Variants in TRPA1 observed in about 807,000 individuals in gnomAD.
TRPA1 encodes transient receptor potential cation channel subfamily A member 1.
Under a neutral mutation model 131.3 loss-of-function variants are expected in TRPA1, and 129 were observed. That is an observed-to-expected ratio of 0.98 (90% CI 0.85 to 1.14). The LOEUF is 1.14. Ranked by LOEUF, TRPA1 falls within the 50% of genes most tolerant of loss-of-function variation. The pLI, the probability that TRPA1 is intolerant of heterozygous loss-of-function variation, is 0.00. For synonymous variants in TRPA1, 441 were observed against 451.7 expected (o/e 0.98, Z 0.30); for missense variants, 1,304 against 1,354.2 (o/e 0.96, Z 0.58).
chr8:72,043,833 T>C (rs957204518), intron 17 of TRPA1, among the ~76,000 whole-genome samples: 1 of 151,986 alleles, frequency 6.6e-6, no homozygotes, highest in African/African-American at 2.4e-5. Context: ...TATTACATTT[T>C]TTCAATTTTA....
chr8:72,067,851 G>A lies in TRPA1; in HGVS notation c.444+1172C>T, dbSNP rs533738079. ...CACCCTGACCCATCTCATAGGTACT[G>A]AGACTTCAGCTCTCCCCTTCTCAGT... On this transcript the variant is annotated intron_variant, in intron 3 of 26. Coordinates refer to ENST00000262209, the MANE Select transcript of TRPA1 (RefSeq NM_007332.3). 6.6e-5 allele frequency among the ~76,000 whole-genome samples: 10 copies of A among 152,298 alleles called. No homozygotes were observed. In the South Asian group the frequency reaches 1.9e-3, roughly 28 times the overall value.
chr8:72,064,427 C>G (rs1157495889), intron 4 of TRPA1, among the ~76,000 whole-genome samples: 1 of 151,878 alleles, frequency 6.6e-6, no homozygotes, highest in African/African-American at 2.4e-5. Context: ...ATATTGTTTT[C>G]TGTAGTATTT....
At chr8:72,048,043 G>C (rs564202662) in intron 15 of TRPA1, among the ~76,000 whole-genome samples, 5 of 151,584 alleles carry the variant, frequency 3.3e-5, no homozygotes, top group East Asian at 3.9e-4. Context: ...GTGTTTAGAG[G>C]GGGGTGGACA....
chr8:72,070,970 G>T (rs1022338947), intron 2 of TRPA1, among the ~76,000 whole-genome samples: 3 of 152,108 alleles, frequency 2.0e-5, no homozygotes, highest in Non-Finnish European at 4.4e-5. Flanking sequence ...TAAATTATTA[G>T]CCTAATCTCC....
At chr8:72,038,476 T>A (rs1585851255) in intron 19 of TRPA1, among the ~76,000 whole-genome samples, 1 of 152,064 alleles carries the variant, frequency 6.6e-6, no homozygotes, top group African/African-American at 2.4e-5. Context: ...ATCACCGTTA[T>A]CTAGTTCCAT....
chr8:72,054,958 C>T, intron 12 of TRPA1: 1 of 152,552 alleles, frequency 6.6e-6, no homozygotes, highest in Admixed American at 6.5e-5. Flanking sequence ...AAATTTTTAC[C>T]ATCTCCTGTT....
In TRPA1 at chr8:72,050,762, G is replaced by C; in HGVS notation, c.1905+16C>G. ...CAAGCATAAACCCGGGAAGAATTTT[G>C]TTTTAGAGAATTTACCTTCATGCAT... is the stretch of plus-strand genomic sequence containing the variant. On this transcript the variant is annotated intron_variant, in intron 15 of 26. Coordinates refer to ENST00000262209, the MANE Select transcript of TRPA1 (RefSeq NM_007332.3). The C allele has an allele frequency of 6.5e-7, 1 of 1,550,022 alleles. No homozygotes were observed. Among genetic ancestry groups the C allele is most frequent in the Non-Finnish European group, 8.9e-7 (1 of 1,123,556 alleles).
At chr8:72,047,097 A>T in intron 16 of TRPA1, 51 bp downstream of exon 16, 1 of 1,352,298 alleles carries the variant, frequency 7.4e-7, no homozygotes, top group Non-Finnish European at 1.1e-6. Context: ...AATATTTTTC[A>T]AAGAATTATA....
intron 5 of TRPA1, 80 bp from the exon 6 acceptor site, chr8:72,063,024 A>C (rs1805845038): frequency 2.9e-6 from 4 of 1,358,178 alleles, no homozygotes; most frequent in Non-Finnish European, 4.1e-6. Context: ...AATATGAACA[A>C]AGGTAAAAAA....
rs955284255 is a variant in TRPA1, at chr8:72,022,761, T to C, written c.*145A>G. ...AATATGAATAGAGGATAAAAGATGG[T>C]TTACTTTTATACAGCATGCAGGAAC... On this transcript the variant is annotated 3_prime_UTR_variant, in exon 27 of 27. Transcript: ENST00000262209. 2.6e-6 allele frequency: 2 copies of C among 757,170 alleles called. No individual in the cohort carries two copies. The highest frequency in any genetic ancestry group is 2.7e-5 in the East Asian group (1 of 37,102). 46.9% of individuals were successfully genotyped at this position (757,170 alleles called of 1,614,324 possible). A position where few individuals can be genotyped will look rare whatever the true frequency, so the allele number is the denominator to read the frequency against.
At position 72,055,744 on chromosome 8, in the gene TRPA1, T is replaced by C. The variant is rs1340130216; in HGVS notation, c.1306A>G (p.Asn436Asp). 7 of 1,613,240 alleles carry C rather than the reference T, an allele frequency of 4.3e-6. No individual in the cohort carries two copies. Among genetic ancestry groups the C allele is most frequent in the Non-Finnish European group, 5.1e-6 (6 of 1,179,434 alleles). ...TTGCTTTTGGAATGAATGGACACAT[T>C]AAAGCCAAGTAGGTTATTTACAGAA... is the stretch of plus-strand genomic sequence containing the variant. ...PGSVNNLLGF[N>D]VSIHSKSKDK... The change falls in exon 11 of 27, where the codon AAT becomes GAT. Residue 436 changes from asparagine (N) to aspartate (D), a missense_variant. By Grantham distance (23) the Asn-to-Asp change is conservative (BLOSUM62 1). Coordinates refer to ENST00000262209, the MANE Select transcript of TRPA1 (RefSeq NM_007332.3).
intron 4 of TRPA1, among the ~76,000 whole-genome samples, chr8:72,064,003 A>C (rs190803581): frequency 6.6e-6 from 1 of 152,254 alleles, no homozygotes; most frequent in East Asian, 1.9e-4. Flanking sequence ...TGATAATCAA[A>C]TATTTTCACT....
chr8:72,029,809 C>A (rs1292963641), intron 24 of TRPA1, 92 bp downstream of exon 24: 3 of 1,227,182 alleles, frequency 2.4e-6, no homozygotes, highest in Non-Finnish European at 3.6e-6. Flanking sequence ...CATATTCCTA[C>A]AAAATGCCCA....
chr8:72,061,854 T>C lies in TRPA1; in HGVS notation c.808-93A>G. ...TGTGAGCTTTTTCTTCCCAGGTTCA[T>C]AAAATCAAGGAATATCTATCAGGCT... On this transcript the variant is annotated intron_variant, in intron 6 of 26. Transcript: ENST00000262209. 2.2e-6 allele frequency: 3 copies of C among 1,347,936 alleles called. No homozygotes were observed. The South Asian group carries it at 3.7e-5, about 16-fold the overall frequency. The allele number at this position is 1,347,936 out of a possible 1,614,324, so 83.5% of individuals were successfully genotyped here.
chr8:72,074,237 C>A (rs1218640708), intron 1 of TRPA1, among the ~76,000 whole-genome samples: 2 of 152,188 alleles, frequency 1.3e-5, no homozygotes, highest in Non-Finnish European at 2.9e-5. Flanking sequence ...ATCAGTGCAA[C>A]ACTGGTTAAA....
At chr8:72,031,998 G>A (rs1030835801) in intron 23 of TRPA1, among the ~76,000 whole-genome samples, 4 of 152,198 alleles carry the variant, frequency 2.6e-5, no homozygotes, top group Admixed American at 1.3e-4. Context: ...AAATCTTAGA[G>A]CTAACCCATG....
At chr8:72,077,314 G>T (rs1806208383), upstream of TRPA1, among the ~76,000 whole-genome samples, 1 of 151,588 alleles carries the variant, frequency 6.6e-6, no homozygotes, top group Admixed American at 6.6e-5. Flanking sequence ...GCGTGGGCCA[G>T]TGCAGGGAAC....
intron 10 of TRPA1, chr8:72,056,219 T>G (rs1258861804): frequency 3.2e-6 from 1 of 311,122 alleles, no homozygotes; most frequent in Non-Finnish European, 6.1e-6. Context: ...ACCCAACAGC[T>G]TCATGTTAAT....
At chr8:72,052,804 T>A (rs367989389) in intron 13 of TRPA1, 39 bp from the exon 14 acceptor site, 10 of 1,609,202 alleles carry the variant, frequency 6.2e-6, no homozygotes, top group Middle Eastern at 2.2e-4. Context: ...GTGGTGACAG[T>A]GTCTAATCTG....
Sources: allele counts gnomAD v4.1 joint callset (sites outside exome capture counted in the v4.1 genomes callset), GRCh38; gene constraint gnomAD v4.1.1; transcripts MANE v1.5; gene names NCBI Gene and HGNC (gene_info 2026-07-23, HGNC 2026-07-21).